The following CAAP1 variants were observed in gnomAD, a reference collection of about 807,000 sequenced individuals.
CAAP1 encodes the protein conserved anti-apoptotic protein.
Under a neutral mutation model 34.0 loss-of-function variants are expected in CAAP1, and 20 were observed. The ratio of observed to expected loss-of-function variants is 0.59; its 90% CI spans 0.41 to 0.86. CAAP1 has a LOEUF of 0.86. CAAP1 is among the 40% of genes least tolerant of loss of function. The probability of loss-of-function intolerance (pLI) is 0.00; values close to 1 mark genes in which losing one functional copy is unlikely to be tolerated. For synonymous variants in CAAP1, 213 were observed against 166.7 expected (o/e 1.28, Z -2.14); for missense variants, 538 against 450.5 (o/e 1.19, Z -1.76).
At chr9:26,846,272 C>T (rs1245026016) in intron 5 of CAAP1, among the ~76,000 whole-genome samples, 1 of 151,916 alleles carries the variant, frequency 6.6e-6, no homozygotes, top group Non-Finnish European at 1.5e-5. Context: ...CAAAAATTAG[C>T]CGAGCGTGGT....
intron 5 of CAAP1, among the ~76,000 whole-genome samples, chr9:26,846,187 G>T (rs1822596255): frequency 6.6e-6 from 1 of 152,110 alleles, no homozygotes; most frequent in African/African-American, 2.4e-5. Context: ...GAGAGGCCAA[G>T]GCAGGTGGAT....
At chr9:26,869,030 A>C (rs569591139) in intron 4 of CAAP1, among the ~76,000 whole-genome samples, 1 of 152,300 alleles carries the variant, frequency 6.6e-6, no homozygotes, top group South Asian at 2.1e-4. Flanking sequence ...AAAATTAAAA[A>C]ATTAGATTTA....
At chr9:26,870,433 C>T (rs1301994039) in intron 4 of CAAP1, among the ~76,000 whole-genome samples, 6 of 151,454 alleles carry the variant, frequency 4.0e-5, no homozygotes, top group Non-Finnish European at 2.9e-5. Flanking sequence ...GTAACTGGTA[C>T]ATAACAATCG....
At chr9:26,891,218 A>G (rs1262034557) in intron 1 of CAAP1, among the ~76,000 whole-genome samples, 1 of 152,234 alleles carries the variant, frequency 6.6e-6, no homozygotes, top group Non-Finnish European at 1.5e-5. Context: ...TGTACAGAAA[A>G]TTACATAAGA....
At chr9:26,870,750 G>A (rs1006823429) in intron 4 of CAAP1, among the ~76,000 whole-genome samples, 2 of 151,668 alleles carry the variant, frequency 1.3e-5, no homozygotes, top group Non-Finnish European at 2.9e-5. Flanking sequence ...CCAAGTAGAC[G>A]GGAATATAGG....
intron 4 of CAAP1, among the ~76,000 whole-genome samples, chr9:26,883,365 T>C (rs191824821): frequency 3.3e-5 from 5 of 152,320 alleles, no homozygotes; most frequent in Non-Finnish European, 7.3e-5. Flanking sequence ...GCTGCCGCCA[T>C]GTATGAAGCA....
intron 4 of CAAP1, among the ~76,000 whole-genome samples, chr9:26,876,239 T>C (rs1036872571): frequency 2.6e-5 from 4 of 152,208 alleles, no homozygotes; most frequent in Non-Finnish European, 5.9e-5. Flanking sequence ...GCTTCCAGCA[T>C]CTCTTGACTT....
rs758348162 is a variant in CAAP1, at chr9:26,890,661, G to T, written c.303+1752C>A. ...CTAATTTAGAAACATATACATAAAA[G>T]TTGGCCGGGCACGGTGGCTCACGCC... On this transcript the variant is annotated intron_variant, in intron 1 of 5. Coordinates refer to ENST00000333916, the MANE Select transcript of CAAP1 (RefSeq NM_024828.4). 1.4e-4 allele frequency among the ~76,000 whole-genome samples: 21 copies of T among 151,438 alleles called. 1 individual carries two copies. Among genetic ancestry groups the T allele is most frequent in the Admixed American group, 4.6e-4 (7 of 15,200 alleles).
chr9:26,878,680 G>A (rs983069224), intron 4 of CAAP1, among the ~76,000 whole-genome samples: 1 of 152,072 alleles, frequency 6.6e-6, no homozygotes, highest in African/African-American at 2.4e-5. Context: ...GCCAGGCATG[G>A]TGGCTTAAGC....
chr9:26,883,154 T>C (rs1823639732), intron 4 of CAAP1, among the ~76,000 whole-genome samples: 1 of 152,106 alleles, frequency 6.6e-6, no homozygotes, highest in Admixed American at 6.5e-5. Context: ...CATGATTCGT[T>C]TTTCAAATGT....
At chr9:26,843,272 T>A (rs953082619) in intron 5 of CAAP1, among the ~76,000 whole-genome samples, 1 of 152,182 alleles carries the variant, frequency 6.6e-6, no homozygotes, top group Non-Finnish European at 1.5e-5. Context: ...ACCATAATTT[T>A]AAAAAATGCA....
intron 5 of CAAP1, among the ~76,000 whole-genome samples, chr9:26,853,498 A>G (rs1260028802): frequency 6.6e-6 from 1 of 152,228 alleles, no homozygotes; most frequent in Admixed American, 6.5e-5. Context: ...TAAGATCATC[A>G]GTTAGACAGT....
At chr9:26,881,037 T>G (rs1398027459) in intron 4 of CAAP1, among the ~76,000 whole-genome samples, 1 of 152,096 alleles carries the variant, frequency 6.6e-6, no homozygotes, top group African/African-American at 2.4e-5. Flanking sequence ...AAACATTAAC[T>G]AAAAATCAAA....
At position 26,864,566 on chromosome 9, in the gene CAAP1, G is replaced by A. The variant is rs190696675; in HGVS notation, c.666-3427C>T. ...CACACCCCGGTGCTTTTTCTGACCT[G>A]TGATTCTCTAAGGCTTCATTGTATA... On this transcript the variant is annotated intron_variant, in intron 4 of 5. Coordinates refer to ENST00000333916, the MANE Select transcript of CAAP1 (RefSeq NM_024828.4). Among the ~76,000 whole-genome samples the A allele has an allele frequency of 5.8e-4, 89 of 152,198 alleles. 1 individual carries two copies. Among genetic ancestry groups the A allele is most frequent in the African/African-American group, 2.0e-3 (84 of 41,524 alleles).
At chr9:26,853,487 A>G (rs556936623) in intron 5 of CAAP1, among the ~76,000 whole-genome samples, 9 of 152,330 alleles carry the variant, frequency 5.9e-5, no homozygotes, top group African/African-American at 2.2e-4. Context: ...TTAAAACTAC[A>G]TAAGATCATC....
At position 26,892,768 on chromosome 9, in the gene CAAP1, A is replaced by T; in HGVS notation, c.-53T>A. The T allele has an allele frequency of 6.7e-7, 1 of 1,502,506 alleles. No homozygotes were observed. The allele number at this position is 1,502,506 out of a possible 1,614,324, so 93.1% of individuals were successfully genotyped here. ...AAGTCCGCTGTCTCTGGTGCGACCG[A>T]AGCCCGACTCCTGCGGCCGTGGGCG... On this transcript the variant is annotated 5_prime_UTR_variant, in exon 1 of 6. Transcript: ENST00000333916.
At chr9:26,887,610 T>G (rs1403468577) in intron 1 of CAAP1, 97 bp from the exon 2 acceptor site, 1 of 742,126 alleles carries the variant, frequency 1.3e-6, no homozygotes, top group African/African-American at 1.8e-5. Flanking sequence ...AAATTCTTCT[T>G]CATCAAAAAT....
intron 5 of CAAP1, among the ~76,000 whole-genome samples, chr9:26,851,015 T>TCC (rs1822737351): frequency 6.6e-6 from 1 of 152,184 alleles, no homozygotes; most frequent in African/African-American, 2.4e-5. Flanking sequence ...CCATTAACTA[T>TCC]CCCCTTCAGA....
chr9:26,892,248 G>C, intron 1 of CAAP1, 165 bp downstream of exon 1: 2 of 1,501,864 alleles, frequency 1.3e-6, no homozygotes, highest in Non-Finnish European at 1.8e-6. Context: ...GGATGGGAGT[G>C]TGGGGCTCAC....
Sources: gnomAD v4.1 joint callset for allele counts (sites outside exome capture counted in the v4.1 genomes callset) on GRCh38, gnomAD v4.1.1 for gene constraint, MANE v1.5 for transcripts, NCBI Gene and HGNC (gene_info 2026-07-23, HGNC 2026-07-21) for gene names.